The following SYNPO2 variants were observed in gnomAD, a reference collection of about 807,000 sequenced individuals.
The protein encoded by SYNPO2 is synaptopodin 2, also known as synaptopodin-2.
A neutral mutation model predicts 85.0 loss-of-function variants in SYNPO2; 56 were observed. That is an observed-to-expected ratio of 0.66 (90% CI 0.53 to 0.82). SYNPO2 has a LOEUF of 0.82. Among genes scored for constraint, SYNPO2 ranks in the 40% least tolerant of loss-of-function variants. The probability of loss-of-function intolerance (pLI) is 0.00; values close to 1 mark genes in which losing one functional copy is unlikely to be tolerated. For synonymous variants in SYNPO2, 602 were observed against 591.1 expected (o/e 1.02, Z -0.27); for missense variants, 1,575 against 1,534.2 (o/e 1.03, Z -0.44).
intron 4 of SYNPO2, among the ~76,000 whole-genome samples, chr4:119,056,205 T>C (rs573166495): frequency 5.9e-5 from 9 of 152,280 alleles, no homozygotes; most frequent in African/African-American, 2.2e-4. Context: ...TCAGCATTCC[T>C]AGAAATGCAG....
At chr4:119,017,115 G>C (rs1313556426) in intron 1 of SYNPO2, among the ~76,000 whole-genome samples, 1 of 152,156 alleles carries the variant, frequency 6.6e-6, no homozygotes, top group Non-Finnish European at 1.5e-5. Context: ...TTGAATTGAG[G>C]TACTGAGTGT....
intron 1 of SYNPO2, among the ~76,000 whole-genome samples, chr4:118,970,616 A>G (rs1735503714): frequency 6.6e-6 from 1 of 152,230 alleles, no homozygotes; most frequent in African/African-American, 2.4e-5. Flanking sequence ...TACTTCCCAT[A>G]GCAGATAACC....
At chr4:118,883,685 T>C (rs1466960708) in intron 1 of SYNPO2, among the ~76,000 whole-genome samples, 1 of 151,470 alleles carries the variant, frequency 6.6e-6, no homozygotes, top group East Asian at 1.9e-4. Context: ...TTAGCCATTT[T>C]TTCTTTAGAA....
chr4:118,989,544 A>T (rs529119768), intron 1 of SYNPO2, among the ~76,000 whole-genome samples: 1 of 152,348 alleles, frequency 6.6e-6, no homozygotes, highest in South Asian at 2.1e-4. Flanking sequence ...TGACAGAGTC[A>T]CGGACTCGTT....
intron 1 of SYNPO2, among the ~76,000 whole-genome samples, chr4:118,940,334 G>A (rs1734265008): frequency 6.6e-6 from 1 of 151,990 alleles, no homozygotes; most frequent in African/African-American, 2.4e-5. Context: ...GTGTGTGTGA[G>A]CATGTGCTCT....
chr4:119,004,975 C>A, intron 1 of SYNPO2, among the ~76,000 whole-genome samples: 1 of 151,950 alleles, frequency 6.6e-6, no homozygotes, highest in Non-Finnish European at 1.5e-5. Context: ...CTCTGATGGC[C>A]AGTGATGATG....
At chr4:118,857,459 T>A (rs1253356600) in intron 1 of SYNPO2, among the ~76,000 whole-genome samples, 2 of 152,142 alleles carry the variant, frequency 1.3e-5, no homozygotes, top group Non-Finnish European at 2.9e-5. Context: ...GCAAAGACAC[T>A]GTAAATTAAT....
At chr4:118,865,246 C>T (rs185614789) in intron 1 of SYNPO2, among the ~76,000 whole-genome samples, 114 of 152,294 alleles carry the variant, frequency 7.5e-4, no homozygotes, top group African/African-American at 2.6e-3. Context: ...GCGGTAGGAA[C>T]TGGAAGCAGG....
intron 4 of SYNPO2, chr4:119,037,821 TC>T: frequency 4.6e-6 from 1 of 217,846 alleles, no homozygotes; most frequent in Non-Finnish European, 7.8e-6. Flanking sequence ...ATGATCATTA[TC>T]CCCATTTTAT....
intron 4 of SYNPO2, chr4:119,033,117 T>C (rs1738354179): frequency 1.0e-6 from 1 of 985,244 alleles, no homozygotes; most frequent in African/African-American, 1.7e-5. Flanking sequence ...AACCACATGA[T>C]TGGGACCTGA....
chr4:118,961,195 G>C (rs1177136159), intron 1 of SYNPO2, among the ~76,000 whole-genome samples: 1 of 144,656 alleles, frequency 6.9e-6, no homozygotes, highest in Non-Finnish European at 1.5e-5. Flanking sequence ...CTAGTGAGTA[G>C]AGTCCAGGAA....
chr4:118,925,481 C>T (rs1733682323), intron 1 of SYNPO2, among the ~76,000 whole-genome samples: 1 of 152,070 alleles, frequency 6.6e-6, no homozygotes, highest in Non-Finnish European at 1.5e-5. Context: ...ATGTCTCAGG[C>T]TGTCCACCTT....
rs900182168 is a variant in SYNPO2 at position 118,960,776 on chromosome 4, A to G, written c.106-62654A>G. Among the ~76,000 whole-genome samples the G allele has an allele frequency of 2.0e-5, 3 of 152,208 alleles. No individual in the cohort carries two copies. The East Asian group carries it at 5.8e-4, about 29-fold the overall frequency. On this transcript the variant is annotated intron_variant, in intron 1 of 4. Coordinates refer to ENST00000307142, the MANE Select transcript of SYNPO2 (RefSeq NM_133477.3). ...TGTCTCAGGCTTGGGGATTAGACCC[A>G]AGTACTCCATGGCTCCAGGAGAGAG...
chr4:118,985,769 C>A (rs548415617), intron 1 of SYNPO2, among the ~76,000 whole-genome samples: 1 of 152,308 alleles, frequency 6.6e-6, no homozygotes, highest in South Asian at 2.1e-4. Flanking sequence ...CTTACAGTAT[C>A]CCTGATCGAG....
At chr4:118,998,583 G>GTT (rs895768749) in intron 1 of SYNPO2, among the ~76,000 whole-genome samples, 1 of 152,190 alleles carries the variant, frequency 6.6e-6, no homozygotes, top group African/African-American at 2.4e-5. Flanking sequence ...TGGTTCAAAA[G>GTT]TTACATCTCA....
intron 4 of SYNPO2, among the ~76,000 whole-genome samples, chr4:119,054,217 C>T (rs190496476): frequency 4.3e-4 from 65 of 152,328 alleles, no homozygotes; most frequent in African/African-American, 1.4e-3. Flanking sequence ...GGGGTGCTTG[C>T]GACCCCAAAG....
intron 1 of SYNPO2, among the ~76,000 whole-genome samples, chr4:119,011,466 T>A (rs892669610): frequency 6.6e-6 from 1 of 152,160 alleles, no homozygotes; most frequent in African/African-American, 2.4e-5. Context: ...GGTGGGACCG[T>A]TGCCTTTGCT....
rs770748981 is a variant in SYNPO2, at chr4:119,031,836, G to A, written c.3061G>A (p.Ala1021Thr). The change falls in exon 4 of 5, where the codon GCT becomes ACT. Residue 1021 changes from alanine (A) to threonine (T), a missense_variant. This residue lies in a region of SYNPO2 where 1,508 missense variants were observed against 1,446.8 expected (regional missense o/e 1.04). Coordinates refer to ENST00000307142, the MANE Select transcript of SYNPO2 (RefSeq NM_133477.3). ...VNAASPTNVQASSVYSVPAYT... is the reference protein window; with the variant it reads ...VNAASPTNVQTSSVYSVPAYT... ...TGCTGCCTCACCTACGAATGTGCAG[G>A]CTTCGTCAGTGTACTCGGTACCAGC... 4.3e-6 allele frequency: 7 copies of A among 1,614,064 alleles called. No individual in the cohort carries two copies. Among genetic ancestry groups the A allele is most frequent in the Non-Finnish European group, 5.9e-6 (7 of 1,180,038 alleles).
Position 119,026,754 on chromosome 4 carries a change from A to G in SYNPO2, c.385A>G (p.Thr129Ala). 1 of 1,614,192 alleles carries G rather than the reference A, an allele frequency of 6.2e-7. No individual in the cohort carries two copies. The highest frequency in any genetic ancestry group is 8.5e-7 in the Non-Finnish European group (1 of 1,180,038). The change falls in exon 3 of 5, where the codon ACA becomes GCA. Residue 129 changes from threonine to alanine, a missense_variant. Physicochemically the swap from Thr to Ala is moderately conservative, Grantham distance 58 (BLOSUM62 0). This residue lies in a region of SYNPO2 where 1,508 missense variants were observed against 1,446.8 expected (regional missense o/e 1.04). Coordinates refer to ENST00000307142, the MANE Select transcript of SYNPO2 (RefSeq NM_133477.3). ...TCGACCGGCCACAAAGACCCAGTGC[A>G]CAGAATTCTTCCTCGCCCCTGTCAA... Reference protein sequence around the residue: ...QIRPATKTQCTEFFLAPVKTE... With the variant: ...QIRPATKTQCAEFFLAPVKTE...
Sources: allele counts gnomAD v4.1 joint callset (sites outside exome capture counted in the v4.1 genomes callset), GRCh38; gene constraint gnomAD v4.1.1; regional missense constraint gnomAD v4.1.1; transcripts MANE v1.5; gene names NCBI Gene and HGNC (gene_info 2026-07-23, HGNC 2026-07-21).